Variants in CPLX1 observed in about 807,000 individuals in gnomAD.
CPLX1 encodes the protein complexin-1.
CPLX1 carries 6 observed loss-of-function variants against 15.6 expected under a neutral mutation model. The observed-to-expected ratio is 0.39, with a 90% CI of 0.21 to 0.76. CPLX1 has a LOEUF of 0.76. Ranked by LOEUF, CPLX1 falls within the 30% of genes least tolerant of loss-of-function variation. The pLI, the probability that CPLX1 is intolerant of heterozygous loss-of-function variation, is 0.43. For synonymous variants in CPLX1, 91 were observed against 75.2 expected (o/e 1.21, Z -1.08); for missense variants, 242 against 188.6 (o/e 1.28, Z -1.66).
Position 792,558 on chromosome 4 carries a change from G to A in CPLX1, c.82C>T (p.Pro28Ser). ...KMLGGDEEKD[P>S]DAAKKEEERQ... ...TCCTCCTCCTTCTTGGCGGCGTCTGGGTCCTTCTCCTCGTCACCCCCCAGC... is the reference window on the plus strand; with the variant it reads ...TCCTCCTCCTTCTTGGCGGCGTCTGAGTCCTTCTCCTCGTCACCCCCCAGC... Residue 28 changes from proline (P) to serine (S), a missense_variant, in exon 3 of 4, where the codon CCA (proline) becomes TCA (serine). Coordinates refer to ENST00000304062, the MANE Select transcript of CPLX1 (RefSeq NM_006651.4). The A allele has an allele frequency of 1.2e-6, 2 of 1,613,288 alleles. No individual in the cohort carries two copies. Among genetic ancestry groups the A allele is most frequent in the Non-Finnish European group, 1.7e-6 (2 of 1,179,662 alleles).
At chr4:799,072 T>A (rs559040889) in intron 2 of CPLX1, among the ~76,000 whole-genome samples, 1 of 152,362 alleles carries the variant, frequency 6.6e-6, no homozygotes, top group East Asian at 1.9e-4. Flanking sequence ...TGGGGCCCTT[T>A]AGAATCAGGA....
Position 810,070 on chromosome 4 carries a change from G to A in CPLX1, c.31+14422C>T, listed in dbSNP as rs865819770. ...TTCTTTTTTTTTTTTTTTTTTTTGA[G>A]ATGGAGTCTCGCTTCGTTGCCCAGG... On this transcript the variant is annotated intron_variant, in intron 2 of 3. Coordinates refer to ENST00000304062, the MANE Select transcript of CPLX1 (RefSeq NM_006651.4). Among the ~76,000 whole-genome samples the A allele has an allele frequency of 2.4e-4, 30 of 126,598 alleles. 1 individual carries two copies. The highest frequency in any genetic ancestry group is 4.5e-3 in the Middle Eastern group (1 of 224). 83.1% of individuals were successfully genotyped at this position (126,598 alleles called of 152,430 possible). A position where few individuals can be genotyped will look rare whatever the true frequency, so the allele number is the denominator to read the frequency against.
At chr4:823,310 A>G (rs1746907059) in intron 2 of CPLX1, among the ~76,000 whole-genome samples, 1 of 152,102 alleles carries the variant, frequency 6.6e-6, no homozygotes, top group African/African-American at 2.4e-5. Flanking sequence ...GACAGGCTCA[A>G]TATCTTTTCA....
chr4:817,227 G>A (rs1325060853), intron 2 of CPLX1, among the ~76,000 whole-genome samples: 1 of 146,760 alleles, frequency 6.8e-6, no homozygotes, highest in Non-Finnish European at 1.5e-5. Context: ...AGGCTCAGCA[G>A]GGGCACACTG....
At chr4:820,268 G>A (rs535390138) in intron 2 of CPLX1, among the ~76,000 whole-genome samples, 82 of 152,310 alleles carry the variant, frequency 5.4e-4, no homozygotes, top group African/African-American at 1.8e-3. Flanking sequence ...CAGCTCCATC[G>A]TCCTCCCAGG....
rs77253866 is a variant in CPLX1, at chr4:824,638, CA to C, written c.-79-38del. The C allele has an allele frequency of 4.5e-4, 517 of 1,139,382 alleles. 5 individuals carry two copies. The East Asian group carries it at 0.011, about 25-fold the overall frequency. The allele number at this position is 1,139,382 out of a possible 1,614,324, so 70.6% of individuals were successfully genotyped here. A position where few individuals can be genotyped will look rare whatever the true frequency, so the allele number is the denominator to read the frequency against. ...TGAAGTGGTCACAGGTCACCCTAAG[CA>C]GGCCCCTGCCTGGCCTTCCCCAGAG... On this transcript the variant is annotated intron_variant, in intron 1 of 3. Coordinates refer to ENST00000304062, the MANE Select transcript of CPLX1 (RefSeq NM_006651.4).
intron 2 of CPLX1, among the ~76,000 whole-genome samples, chr4:798,616 C>T (rs981226786): frequency 4.6e-5 from 7 of 152,166 alleles, no homozygotes; most frequent in Non-Finnish European, 8.8e-5. Context: ...AGGTTGGTCT[C>T]GAACTCCTGG....
chr4:787,814 G>A, intron 3 of CPLX1: 2 of 985,404 alleles, frequency 2.0e-6, no homozygotes, highest in South Asian at 9.4e-5. Context: ...CAGGAAGCCT[G>A]TGGTCATGGT....
chr4:805,628 A>C (rs905294051), intron 2 of CPLX1, among the ~76,000 whole-genome samples: 2 of 152,248 alleles, frequency 1.3e-5, no homozygotes, highest in Non-Finnish European at 2.9e-5. Context: ...CTGAAAGCAG[A>C]GTCTCTCACA....
rs1746031916 is a variant in CPLX1 at position 787,369 on chromosome 4, C to T, written c.208-671G>A. 4 of 985,346 alleles carry T rather than the reference C, an allele frequency of 4.1e-6. No homozygotes were observed. The South Asian group carries it at 1.9e-4, about 46-fold the overall frequency. 61.0% of individuals were successfully genotyped at this position (985,346 alleles called of 1,614,324 possible). On this transcript the variant is annotated intron_variant, in intron 3 of 3. Coordinates refer to ENST00000304062, the MANE Select transcript of CPLX1 (RefSeq NM_006651.4). Reference sequence around the variant, plus strand: ...CGTTTCTCATCTCCCGTGAGTGCGTCTGCCCTCCGTAGTAGCTGAATATTG... The same window carrying T: ...CGTTTCTCATCTCCCGTGAGTGCGTTTGCCCTCCGTAGTAGCTGAATATTG...
rs1420297042 is a variant in CPLX1 at position 788,206 on chromosome 4, G to A, written c.208-1508C>T. On this transcript the variant is annotated intron_variant, in intron 3 of 3. Coordinates refer to ENST00000304062, the MANE Select transcript of CPLX1 (RefSeq NM_006651.4). The stretch of plus-strand genomic sequence containing the variant: ...AGCAGTTGGTTCTGCTCCTGGTGCT[G>A]GGCACCCCCTGGATCTCCAAGGAGG... 3 of 985,132 alleles carry A rather than the reference G, an allele frequency of 3.0e-6. No homozygotes were observed. The African/African-American group carries it at 5.2e-5, about 17-fold the overall frequency. The allele number at this position is 985,132 out of a possible 1,614,324, so 61.0% of individuals were successfully genotyped here.
chr4:817,535 C>T (rs1746782349), intron 2 of CPLX1, among the ~76,000 whole-genome samples: 1 of 151,362 alleles, frequency 6.6e-6, no homozygotes, highest in South Asian at 2.1e-4. Context: ...CCAGCCTGGG[C>T]AATAGAGCGA....
At chr4:824,956 G>C (rs1053020354) in intron 1 of CPLX1, 7 of 364,032 alleles carry the variant, frequency 1.9e-5, no homozygotes, top group East Asian at 7.1e-5. Flanking sequence ...TGTCTGGAGC[G>C]GCGCCTCCGC....
chr4:791,585 C>T (rs1400138773), intron 3 of CPLX1, among the ~76,000 whole-genome samples: 4 of 152,200 alleles, frequency 2.6e-5, no homozygotes, highest in Non-Finnish European at 1.5e-5. Flanking sequence ...CTCCAGGTGC[C>T]GCCGGCAGCA....
chr4:818,885 G>C (rs1437362744), intron 2 of CPLX1, among the ~76,000 whole-genome samples: 1 of 152,264 alleles, frequency 6.6e-6, no homozygotes, highest in African/African-American at 2.4e-5. Flanking sequence ...TGGAGCTGGA[G>C]GGTGGGGCCT....
intron 2 of CPLX1, among the ~76,000 whole-genome samples, chr4:793,845 GC>G (rs1009301636): frequency 2.6e-5 from 4 of 152,178 alleles, no homozygotes; most frequent in Non-Finnish European, 5.9e-5. Flanking sequence ...CCTAAGGACT[GC>G]CCCCGACCAG....
intron 3 of CPLX1, 142 bp downstream of exon 3, chr4:792,291 G>A (rs1746201417): frequency 1.3e-5 from 4 of 304,834 alleles, no homozygotes; most frequent in African/African-American, 7.0e-5. Context: ...TCACCCCTCC[G>A]CCACTCTGAA....
intron 2 of CPLX1, among the ~76,000 whole-genome samples, chr4:822,187 C>T (rs1378408556): frequency 6.6e-6 from 1 of 151,070 alleles, no homozygotes; most frequent in Admixed American, 6.6e-5. Context: ...TCTGTCTCTC[C>T]CTCTGTCTCT....
chr4:804,056 G>C (rs771755333), intron 2 of CPLX1, among the ~76,000 whole-genome samples: 106 of 152,378 alleles, frequency 7.0e-4, no homozygotes, highest in Admixed American at 1.2e-3. Flanking sequence ...GTGTTGTGCA[G>C]GTTTGCAGCC....
Sources: gnomAD v4.1 joint callset for allele counts (sites outside exome capture counted in the v4.1 genomes callset) on GRCh38, gnomAD v4.1.1 for gene constraint, MANE v1.5 for transcripts, NCBI Gene and HGNC (gene_info 2026-07-23, HGNC 2026-07-21) for gene names.